Variants in ZBTB7A observed in about 807,000 individuals in gnomAD.
ZBTB7A encodes the protein zinc finger and BTB domain containing 7A.
ZBTB7A carries 7 observed loss-of-function variants against 26.7 expected under a neutral mutation model. The ratio of observed to expected loss-of-function variants is 0.26; its 90% CI spans 0.15 to 0.49. The LOEUF (loss-of-function observed/expected upper bound fraction) is 0.49. ZBTB7A is among the 20% of genes least tolerant of loss of function. ZBTB7A has a pLI of 0.98. For missense variants in ZBTB7A, 617 were observed against 919.5 expected (o/e 0.67, Z 4.25); for synonymous variants, 452 against 441.0 (o/e 1.02, Z -0.31).
rs1363666513 is a variant in ZBTB7A at position 4,049,166 on chromosome 19, GTGTATATATATATATATA to G, written c.1263-940_1263-923del. On this transcript the variant is annotated intron_variant, in intron 2 of 2. Transcript: ENST00000322357. Reference sequence around the variant, plus strand: ...AAACTATATGTGTGTGTGTGTGTGTGTGTATATATATATATATATATATATATATATATATATATATAT... The same window carrying G: ...AAACTATATGTGTGTGTGTGTGTGTGTATATATATATATATATATATATAT... Among the ~76,000 whole-genome samples the G allele has an allele frequency of 6.7e-4, 9 of 13,474 alleles. 1 individual carries two copies. Among genetic ancestry groups the G allele is most frequent in the African/African-American group, 1.1e-3 (5 of 4,720 alleles). The allele number at this position is 13,474 out of a possible 152,430, so 8.8% of individuals were successfully genotyped here. A position where few individuals can be genotyped will look rare whatever the true frequency, so the allele number is the denominator to read the frequency against.
At position 4,064,737 on chromosome 19, in the gene ZBTB7A, G is replaced by A. The variant is rs542371966; in HGVS notation, c.-16+1945C>T. 1.0e-3 allele frequency among the ~76,000 whole-genome samples: 159 copies of A among 152,286 alleles called. 6 individuals are homozygous for A. The South Asian group carries it at 0.029, about 28-fold the overall frequency. ...GGCCCACCGAGCCCGCCACCCATGGGTGAGCCAGGTGGGTGCCGCGGGTGG... is the reference window on the plus strand; with the variant it reads ...GGCCCACCGAGCCCGCCACCCATGGATGAGCCAGGTGGGTGCCGCGGGTGG... On this transcript the variant is annotated intron_variant, in intron 1 of 2. Coordinates refer to ENST00000322357, the MANE Select transcript of ZBTB7A (RefSeq NM_015898.4).
intron 2 of ZBTB7A, among the ~76,000 whole-genome samples, chr19:4,053,514 TGC>T (rs1247416489): frequency 3.0e-4 from 4 of 13,202 alleles, no homozygotes; most frequent in Admixed American, 1.7e-3. Context: ...TGTGCGTGTG[TGC>T]GTGCGTGCGT....
At chr19:4,056,137 C>T (rs1170203182) in intron 1 of ZBTB7A, among the ~76,000 whole-genome samples, 1 of 152,092 alleles carries the variant, frequency 6.6e-6, no homozygotes, top group African/African-American at 2.4e-5. Context: ...CCTCAGTTTC[C>T]CCAGCTGTAC....
intron 1 of ZBTB7A, 43 bp from the exon 2 acceptor site, chr19:4,055,290 C>T: frequency 4.2e-6 from 6 of 1,434,870 alleles, no homozygotes; most frequent in Non-Finnish European, 5.5e-6. Context: ...AGTGGGGGTG[C>T]GGGGGTTCCT....
Position 4,047,523 on chromosome 19 carries a change from G to T in ZBTB7A, c.*229C>A. On this transcript the variant is annotated 3_prime_UTR_variant, in exon 3 of 3. Coordinates refer to ENST00000322357, the MANE Select transcript of ZBTB7A (RefSeq NM_015898.4). ...GGGGGAAGGGGAGCCAGGGAGGGCC[G>T]GGGCCCCTGCGGAGGGAGAAAAACG... 3.4e-6 allele frequency: 1 copy of T among 293,382 alleles called. No individual in the cohort carries two copies. Among genetic ancestry groups the T allele is most frequent in the Non-Finnish European group, 5.8e-6 (1 of 173,432 alleles). 18.2% of individuals were successfully genotyped at this position (293,382 alleles called of 1,614,324 possible). A position where few individuals can be genotyped will look rare whatever the true frequency, so the allele number is the denominator to read the frequency against.
rs1318039329 is a variant in ZBTB7A, at chr19:4,045,227, A to T, written c.*2525T>A. On this transcript the variant is annotated 3_prime_UTR_variant, in exon 3 of 3. Coordinates refer to ENST00000322357, the MANE Select transcript of ZBTB7A (RefSeq NM_015898.4). The surrounding 1 kb of genome is among the most constrained non-coding windows in gnomAD (Gnocchi z 4.1). ...GCTAGGACGACAGCTGTGATTTTAG[A>T]GTTGGTTTTATTGCGAGGGGGTGCA... 4 of 151,898 alleles carry T rather than the reference A, an allele frequency of 2.6e-5. No individual in the cohort carries two copies. Among genetic ancestry groups the T allele is most frequent in the Non-Finnish European group, 5.9e-5 (4 of 68,026 alleles). The allele number at this position is 151,898 out of a possible 1,614,324, so 9.4% of individuals were successfully genotyped here.
At chr19:4,050,607 G>A (rs2040492555) in intron 2 of ZBTB7A, among the ~76,000 whole-genome samples, 1 of 152,178 alleles carries the variant, frequency 6.6e-6, no homozygotes, top group Non-Finnish European at 1.5e-5. Context: ...GAACTGATGT[G>A]CGCTGGAAGT....
In ZBTB7A at chr19:4,047,875, G is replaced by A; in HGVS notation, c.1632C>T (p.Asp544=). The A allele has an allele frequency of 6.3e-7, 1 of 1,598,448 alleles. No individual in the cohort carries two copies. Among genetic ancestry groups the A allele is most frequent in the Non-Finnish European group, 8.5e-7 (1 of 1,173,576 alleles). Residue 544 remains aspartate (D), a synonymous_variant, in exon 3 of 3, where the codon GAC becomes GAT. Transcript: ENST00000322357. ...QEKHFKDEDE[D]EDVASPDGLG... is the part of the protein sequence containing the mutation. The stretch of plus-strand genomic sequence containing the variant: ...AGCCGTCGGGGCTGGCCACGTCCTC[G>A]TCCTCGTCCTCGTCCTTAAAGTGCT...
At chr19:4,053,157 G>A (rs1413191248) in intron 2 of ZBTB7A, among the ~76,000 whole-genome samples, 1 of 152,206 alleles carries the variant, frequency 6.6e-6, no homozygotes, top group African/African-American at 2.4e-5. Context: ...AAGGAAGAAC[G>A]ACTGTGCCTT....
intron 1 of ZBTB7A, among the ~76,000 whole-genome samples, chr19:4,064,748 G>A (rs1372954236): frequency 6.6e-6 from 1 of 152,146 alleles, no homozygotes; most frequent in Non-Finnish European, 1.5e-5. Context: ...TGAGCCAGGT[G>A]GGTGCCGCGG....
intron 1 of ZBTB7A, chr19:4,062,104 G>A (rs1401689419): frequency 6.6e-6 from 1 of 152,294 alleles, no homozygotes; most frequent in Middle Eastern, 3.1e-3. Flanking sequence ...GGAAGGCTCA[G>A]CCTGGGAGCC....
At position 4,047,911 on chromosome 19, in the gene ZBTB7A, G is replaced by A. The variant is rs1268471795; in HGVS notation, c.1596C>T (p.Asn532=). ...CGTCCTTAAAGTGCTTCTCCTGGCC[G>A]TTGCGCCGGGCGTCGGGGGAGCTGG... The part of the protein sequence containing the change: ...AQPSSPDARR[N]GQEKHFKDED... Residue 532 remains asparagine (N), a synonymous_variant, in exon 3 of 3, where the codon AAC becomes AAT. Transcript: ENST00000322357. 2.5e-5 allele frequency: 39 copies of A among 1,538,582 alleles called. No individual in the cohort carries two copies. Among genetic ancestry groups the A allele is most frequent in the Non-Finnish European group, 3.3e-5 (38 of 1,143,684 alleles).
At chr19:4,057,096 C>G (rs960714065) in intron 1 of ZBTB7A, among the ~76,000 whole-genome samples, 28 of 150,392 alleles carry the variant, frequency 1.9e-4, no homozygotes, top group Admixed American at 1.6e-3. Context: ...CATCTATAAT[C>G]CCAGCACTTT....
At position 4,054,449 on chromosome 19, in the gene ZBTB7A, C is replaced by T; in HGVS notation, c.784G>A (p.Ala262Thr). ...PTGGLFPPPV[A>T]PPAATQNGHY... is the part of the protein sequence containing the mutation. Reference sequence around the variant, plus strand: ...CCGTTCTGCGTGGCGGCCGGCGGGGCCACCGGCGGCGGAAAGAGACCCCCG... The same window carrying T: ...CCGTTCTGCGTGGCGGCCGGCGGGGTCACCGGCGGCGGAAAGAGACCCCCG... Residue 262 changes from alanine to threonine, a missense_variant, in exon 2 of 3, where the codon GCC becomes ACC. Ala to Thr is a moderately conservative substitution (Grantham distance 58, BLOSUM62 0). Around this residue, in one of 5 missense-constraint regions of ZBTB7A, gnomAD observed 331 missense variants for 391.3 expected, o/e 0.85. Coordinates refer to ENST00000322357, the MANE Select transcript of ZBTB7A (RefSeq NM_015898.4). The T allele has an allele frequency of 7.4e-7, 1 of 1,357,766 alleles. No individual in the cohort carries two copies. Among genetic ancestry groups the T allele is most frequent in the African/African-American group, 1.6e-5 (1 of 64,404 alleles). The allele number at this position is 1,357,766 out of a possible 1,614,324, so 84.1% of individuals were successfully genotyped here.
intron 2 of ZBTB7A, among the ~76,000 whole-genome samples, chr19:4,053,325 C>G (rs1568232592): frequency 1.3e-5 from 2 of 152,178 alleles, no homozygotes; most frequent in South Asian, 4.1e-4. Context: ...GTCAGGGAAG[C>G]GTTCGTTGGC....
chr19:4,063,263 G>A (rs752961003), intron 1 of ZBTB7A, among the ~76,000 whole-genome samples: 28 of 152,182 alleles, frequency 1.8e-4, no homozygotes, highest in Non-Finnish European at 3.5e-4. Flanking sequence ...AGCGCGCCCC[G>A]GCTGCAGGGG....
intron 1 of ZBTB7A, among the ~76,000 whole-genome samples, chr19:4,065,208 G>A (rs1164298244): frequency 1.3e-5 from 2 of 151,568 alleles, no homozygotes; most frequent in Admixed American, 6.6e-5. Context: ...CGCTTTGGGG[G>A]CGCGGACGGC....
At chr19:4,051,545 ACCCCTACCTTATCTCTAGCCTTG>A (rs2040504186) in intron 2 of ZBTB7A, among the ~76,000 whole-genome samples, 2 of 151,960 alleles carry the variant, frequency 1.3e-5, no homozygotes. Context: ...TGGCAACCAG[ACCCCTACCTTATCTCTAGCCTTG>A]CTGCCCCACT....
rs1422544331 is a variant in ZBTB7A at position 4,046,283 on chromosome 19, C to T, written c.*1469G>A. 1 of 389,730 alleles carries T rather than the reference C, an allele frequency of 2.6e-6. No homozygotes were observed. Among genetic ancestry groups the T allele is most frequent in the African/African-American group, 2.1e-5 (1 of 48,372 alleles). The allele number at this position is 389,730 out of a possible 1,614,324, so 24.1% of individuals were successfully genotyped here. On this transcript the variant is annotated 3_prime_UTR_variant, in exon 3 of 3. Transcript: ENST00000322357. ...CTCCCAGGTCCCCTGCGATGGCTTC[C>T]TCCTGAACCCCCCTTCTCGCTTTTT...
Sources: allele counts gnomAD v4.1 joint callset (sites outside exome capture counted in the v4.1 genomes callset), GRCh38; gene constraint gnomAD v4.1.1; regional missense constraint gnomAD v4.1.1; non-coding constraint Gnocchi (gnomAD v3.1); transcripts MANE v1.5; gene names NCBI Gene and HGNC (gene_info 2026-07-23, HGNC 2026-07-21).